The following CTDSPL variants were observed in gnomAD, a reference collection of about 807,000 sequenced individuals.
CTDSPL encodes the protein CTD small phosphatase-like protein.
In CTDSPL, 8 loss-of-function variants were observed where a neutral mutation model predicts 30.5. That is an observed-to-expected ratio of 0.26 (90% CI 0.15 to 0.47). The LOEUF (loss-of-function observed/expected upper bound fraction) is 0.47, where lower values mean the gene tolerates loss of function less well. Among genes scored for constraint, CTDSPL ranks in the 20% least tolerant of loss-of-function variants. The probability of loss-of-function intolerance (pLI) is 0.99; values close to 1 mark genes in which losing one functional copy is unlikely to be tolerated. For missense variants in CTDSPL, 248 were observed against 366.1 expected (o/e 0.68, Z 2.63); for synonymous variants, 110 against 137.9 (o/e 0.80, Z 1.42).
chr3:37,870,693 A>G (rs1698062074), intron 1 of CTDSPL, among the ~76,000 whole-genome samples: 1 of 152,188 alleles, frequency 6.6e-6, no homozygotes, highest in Admixed American at 6.5e-5. Flanking sequence ...TTATGCATTT[A>G]GTGCTACAAG....
chr3:37,867,975 CTG>C (rs1335061364), intron 1 of CTDSPL, among the ~76,000 whole-genome samples: 3 of 152,086 alleles, frequency 2.0e-5, no homozygotes, highest in Non-Finnish European at 2.9e-5. Flanking sequence ...TTTTTAAAAA[CTG>C]ATATATAATA....
chr3:37,962,988 A>G (rs532576095), intron 3 of CTDSPL, among the ~76,000 whole-genome samples: 47 of 152,350 alleles, frequency 3.1e-4, no homozygotes, highest in African/African-American at 7.9e-4. Context: ...ACCTTTTGAT[A>G]GAAAACTTTT....
chr3:37,920,199 C>T (rs1261102639), intron 1 of CTDSPL, among the ~76,000 whole-genome samples: 1 of 152,032 alleles, frequency 6.6e-6, no homozygotes, highest in African/African-American at 2.4e-5. Context: ...TTCACGATCT[C>T]CACTTGAAGC....
chr3:37,954,241 A>T (rs984192908), intron 2 of CTDSPL, among the ~76,000 whole-genome samples: 1 of 152,252 alleles, frequency 6.6e-6, no homozygotes, highest in African/African-American at 2.4e-5. Context: ...GCTCACTTGG[A>T]GTTACTGTTC....
chr3:37,963,113 C>T (rs559110324), intron 3 of CTDSPL, among the ~76,000 whole-genome samples: 61 of 152,322 alleles, frequency 4.0e-4, no homozygotes, highest in Non-Finnish European at 4.4e-4. Context: ...CCCCACATCC[C>T]GTCACAGTGC....
At chr3:37,958,087 T>TG (rs1699195089) in intron 3 of CTDSPL, among the ~76,000 whole-genome samples, 1 of 152,242 alleles carries the variant, frequency 6.6e-6, no homozygotes, top group Admixed American at 6.5e-5. Flanking sequence ...ACATGTTTTC[T>TG]GGGAACATAC....
chr3:37,949,024 G>A (rs895038858), intron 2 of CTDSPL, among the ~76,000 whole-genome samples: 2 of 151,382 alleles, frequency 1.3e-5, no homozygotes, highest in African/African-American at 4.9e-5. Flanking sequence ...GTTTCACCTT[G>A]TTAGCCAGGA....
intron 1 of CTDSPL, among the ~76,000 whole-genome samples, chr3:37,872,561 A>AT (rs1698086293): frequency 1.6e-5 from 2 of 122,094 alleles, no homozygotes; most frequent in Non-Finnish European, 3.5e-5. Context: ...TTTTTTTTTA[A>AT]ATTCTTTTAT....
rs150440713 is a variant in CTDSPL, at chr3:37,885,847, A to G, written c.79+23569A>G. Among the ~76,000 whole-genome samples the G allele has an allele frequency of 5.5e-3, 843 of 152,322 alleles. 24 individuals carry two copies. The South Asian group carries it at 0.077, about 14-fold the overall frequency. On this transcript the variant is annotated intron_variant, in intron 1 of 7. Transcript: ENST00000273179. Reference sequence around the variant, plus strand: ...ATGCAGGTTTTCCAAAGGAAATGCCAAATGGTATATTTCTTTTAATCACAA... The same window carrying G: ...ATGCAGGTTTTCCAAAGGAAATGCCGAATGGTATATTTCTTTTAATCACAA...
At chr3:37,936,175 A>C (rs1698912963) in intron 1 of CTDSPL, among the ~76,000 whole-genome samples, 1 of 152,140 alleles carries the variant, frequency 6.6e-6, no homozygotes, top group South Asian at 2.1e-4. Context: ...TCACTGCTGG[A>C]GGGACTACTG....
intron 2 of CTDSPL, 23 bp from the exon 3 acceptor site, chr3:37,957,088 A>ATT: frequency 7.9e-6 from 12 of 1,512,298 alleles, no homozygotes; most frequent in East Asian, 2.4e-5. Flanking sequence ...CCTGACAATG[A>ATT]TTTTTTTTTT....
At chr3:37,967,535 G>A (rs1699311854) in intron 4 of CTDSPL, among the ~76,000 whole-genome samples, 1 of 152,248 alleles carries the variant, frequency 6.6e-6, no homozygotes, top group Admixed American at 6.5e-5. Flanking sequence ...GCAAGAGCTG[G>A]AGTTTTCAGG....
chr3:37,872,945 C>A (rs908368615), intron 1 of CTDSPL, among the ~76,000 whole-genome samples: 8 of 152,174 alleles, frequency 5.3e-5, no homozygotes, highest in African/African-American at 1.9e-4. Flanking sequence ...TACTGTACTG[C>A]AATGGGAGTG....
intron 4 of CTDSPL, among the ~76,000 whole-genome samples, chr3:37,965,381 A>C (rs146092232): frequency 1.7e-3 from 252 of 152,330 alleles, no homozygotes; most frequent in Middle Eastern, 3.4e-3. Flanking sequence ...CACTGTTAAG[A>C]AATGAGTTAG....
intron 3 of CTDSPL, among the ~76,000 whole-genome samples, chr3:37,961,388 G>T (rs530165867): frequency 6.6e-6 from 1 of 152,252 alleles, no homozygotes; most frequent in Admixed American, 6.5e-5. Flanking sequence ...GTCATGAATT[G>T]AGGTGAGCAC....
chr3:37,973,654 C>T (rs890269677), intron 6 of CTDSPL, among the ~76,000 whole-genome samples: 2 of 152,206 alleles, frequency 1.3e-5, no homozygotes, highest in South Asian at 2.1e-4. Context: ...CCCAGGAGCC[C>T]GCAGGAACCT....
At chr3:37,901,477 T>C (rs1327012386) in intron 1 of CTDSPL, among the ~76,000 whole-genome samples, 1 of 152,196 alleles carries the variant, frequency 6.6e-6, no homozygotes, top group East Asian at 1.9e-4. Context: ...AGACACCTCT[T>C]TGTGAGTTCC....
chr3:37,981,947 T>C lies in CTDSPL; in HGVS notation c.*1080T>C. On this transcript the variant is annotated 3_prime_UTR_variant, in exon 8 of 8. Transcript: ENST00000273179. ...GTGCCTATGCTCAGAATATGCTCAC[T>C]GCTAAGCTACAAACTCGGACAGGGT... 1 of 454,374 alleles carries C rather than the reference T, an allele frequency of 2.2e-6. No homozygotes were observed. Among genetic ancestry groups the C allele is most frequent in the South Asian group, 1.6e-5 (1 of 64,368 alleles). The allele number at this position is 454,374 out of a possible 1,614,324, so 28.1% of individuals were successfully genotyped here.
chr3:37,919,067 A>G (rs1201740947), intron 1 of CTDSPL, among the ~76,000 whole-genome samples: 1 of 152,194 alleles, frequency 6.6e-6, no homozygotes, highest in East Asian at 1.9e-4. Context: ...AATGGATTCC[A>G]TGCAGTTCTT....
Sources: gnomAD v4.1 joint callset for allele counts (sites outside exome capture counted in the v4.1 genomes callset) on GRCh38, gnomAD v4.1.1 for gene constraint, MANE v1.5 for transcripts, NCBI Gene and HGNC (gene_info 2026-07-23, HGNC 2026-07-21) for gene names.